Variants in NME7 observed in about 807,000 individuals in gnomAD.
The protein encoded by NME7 is nucleoside diphosphate kinase 7.
NME7 carries 41 observed loss-of-function variants against 49.1 expected under a neutral mutation model. That is an observed-to-expected ratio of 0.83 (90% CI 0.65 to 1.08). The LOEUF is 1.08. NME7 is among the 50% of genes least tolerant of loss of function. The pLI, the probability that NME7 is intolerant of heterozygous loss-of-function variation, is 0.00. For synonymous variants in NME7, 139 were observed against 150.6 expected, an observed-to-expected ratio of 0.92 and a Z score of 0.56; for missense variants, 423 against 463.4, an observed-to-expected ratio of 0.91 and a Z score of 0.80.
chr1:169,273,669 T>A (rs538560285), intron 7 of NME7, among the ~76,000 whole-genome samples: 2,049 of 126,956 alleles, frequency 0.016, 98 homozygotes, highest in African/African-American at 0.051. Context: ...TGTCCATGTG[T>A]TCTCATTGTT....
At chr1:169,205,087 T>C (rs1259260140) in intron 10 of NME7, among the ~76,000 whole-genome samples, 1 of 152,144 alleles carries the variant, frequency 6.6e-6, no homozygotes, top group African/African-American at 2.4e-5. Context: ...TCTAGCAAAA[T>C]AGTATGCTTA....
At chr1:169,208,630 G>C (rs1039270213) in intron 10 of NME7, among the ~76,000 whole-genome samples, 10 of 152,026 alleles carry the variant, frequency 6.6e-5, no homozygotes, top group Admixed American at 5.2e-4. Context: ...CATTTCTGTA[G>C]CTCTGAAAGT....
intron 7 of NME7, among the ~76,000 whole-genome samples, chr1:169,276,894 T>C (rs1308059098): frequency 6.7e-6 from 1 of 149,210 alleles, no homozygotes; most frequent in East Asian, 2.0e-4. Flanking sequence ...TGTCTCTTTG[T>C]TCTCGTTGGT....
At chr1:169,268,878 A>C (rs1558015021) in intron 7 of NME7, among the ~76,000 whole-genome samples, 1 of 133,398 alleles carries the variant, frequency 7.5e-6, no homozygotes, top group Non-Finnish European at 1.8e-5. Flanking sequence ...TAATCTGTTA[A>C]CTAAACCCCG....
At chr1:169,253,146 C>T (rs1558008566) in intron 7 of NME7, among the ~76,000 whole-genome samples, 1 of 151,966 alleles carries the variant, frequency 6.6e-6, no homozygotes, top group Non-Finnish European at 1.5e-5. Flanking sequence ...TATAAATTAC[C>T]TTGGGCAGTA....
At chr1:169,212,391 G>A (rs1401944261) in intron 10 of NME7, among the ~76,000 whole-genome samples, 1 of 151,894 alleles carries the variant, frequency 6.6e-6, no homozygotes. Flanking sequence ...TTCCATGTTT[G>A]TGAATTTACC....
chr1:169,264,600 C>A (rs1007906685), intron 7 of NME7, among the ~76,000 whole-genome samples: 1 of 132,668 alleles, frequency 7.5e-6, no homozygotes, highest in African/African-American at 2.6e-5. Context: ...TACAGGTGCA[C>A]CCAGATTCAA....
At chr1:169,190,759 T>A (rs981137230) in intron 10 of NME7, 10 of 361,382 alleles carry the variant, frequency 2.8e-5, no homozygotes, top group Non-Finnish European at 4.3e-5. Flanking sequence ...CTAAAATAAA[T>A]ATGGCATTTA....
chr1:169,226,308 C>A (rs1313304936), intron 10 of NME7, among the ~76,000 whole-genome samples: 1 of 152,154 alleles, frequency 6.6e-6, no homozygotes, highest in East Asian at 1.9e-4. Context: ...CTTCAAAAAA[C>A]AAACCTGTAT....
chr1:169,289,136 T>C (rs1234692731), intron 6 of NME7, among the ~76,000 whole-genome samples: 1 of 152,150 alleles, frequency 6.6e-6, no homozygotes, highest in African/African-American at 2.4e-5. Flanking sequence ...TGTTGCTAAG[T>C]CCACTGGTTA....
At chr1:169,306,501 G>A (rs1276467706) in intron 4 of NME7, among the ~76,000 whole-genome samples, 2 of 152,160 alleles carry the variant, frequency 1.3e-5, no homozygotes, top group Non-Finnish European at 2.9e-5. Context: ...ATTATAAGGA[G>A]AGAATTGCTC....
chr1:169,239,996 C>T (rs1023869364), intron 7 of NME7, among the ~76,000 whole-genome samples: 1 of 151,866 alleles, frequency 6.6e-6, no homozygotes, highest in Non-Finnish European at 1.5e-5. Context: ...GTCACATAGA[C>T]CCTTTAGCTC....
In NME7 at chr1:169,132,644, T is replaced by C. The variant is rs1463711945; in HGVS notation, c.*141A>G. On this transcript the variant is annotated 3_prime_UTR_variant, in exon 12 of 12. Coordinates refer to ENST00000367811, the MANE Select transcript of NME7 (RefSeq NM_013330.5). ...ATCCATGTTCTAACATATGTAATAATTGCCAGGAGTACAGTGCTCTTGTTG... is the reference window on the plus strand; with the variant it reads ...ATCCATGTTCTAACATATGTAATAACTGCCAGGAGTACAGTGCTCTTGTTG... 8 of 695,468 alleles carry C rather than the reference T, an allele frequency of 1.2e-5. No homozygotes were observed. The highest frequency in any genetic ancestry group is 1.7e-5 in the Non-Finnish European group (7 of 419,040). The allele number at this position is 695,468 out of a possible 1,614,324, so 43.1% of individuals were successfully genotyped here.
At chr1:169,227,885 C>T (rs1171491871) in intron 10 of NME7, among the ~76,000 whole-genome samples, 1 of 152,100 alleles carries the variant, frequency 6.6e-6, no homozygotes, top group African/African-American at 2.4e-5. Flanking sequence ...CCGCAAATAT[C>T]TAACAATGCA....
At chr1:169,217,204 C>A (rs1195015410) in intron 10 of NME7, among the ~76,000 whole-genome samples, 1 of 152,074 alleles carries the variant, frequency 6.6e-6, no homozygotes, top group Non-Finnish European at 1.5e-5. Flanking sequence ...GTATAGCACT[C>A]CAATAATAAC....
intron 6 of NME7, among the ~76,000 whole-genome samples, chr1:169,289,894 T>A (rs1308555989): frequency 1.3e-5 from 2 of 152,074 alleles, no homozygotes; most frequent in Non-Finnish European, 2.9e-5. Context: ...AAAAATAATA[T>A]CCAGGCTTCT....
intron 7 of NME7, among the ~76,000 whole-genome samples, chr1:169,270,667 C>T (rs1649461535): frequency 7.5e-6 from 1 of 133,636 alleles, no homozygotes; most frequent in African/African-American, 2.5e-5. Flanking sequence ...AATCATAATA[C>T]TAACAATGTG....
chr1:169,338,641 C>T (rs1557829152), intron 1 of NME7, among the ~76,000 whole-genome samples: 1 of 152,188 alleles, frequency 6.6e-6, no homozygotes, highest in Non-Finnish European at 1.5e-5. Flanking sequence ...CACACACCAT[C>T]TATCAAGGGA....
chr1:169,286,409 G>T (rs1019050443), intron 7 of NME7: 1 of 151,400 alleles, frequency 6.6e-6, no homozygotes, highest in East Asian at 1.9e-4. Context: ...GTTTTTTAAG[G>T]GTGATCTTTT....
Sources: allele counts gnomAD v4.1 joint callset (sites outside exome capture counted in the v4.1 genomes callset), GRCh38; gene constraint gnomAD v4.1.1; transcripts MANE v1.5; gene names NCBI Gene and HGNC (gene_info 2026-07-23, HGNC 2026-07-21).